The following ME1 variants were observed in gnomAD, a reference collection of about 807,000 sequenced individuals.
ME1 encodes NADP-dependent malic enzyme.
ME1 carries 74 observed loss-of-function variants against 66.4 expected under a neutral mutation model. The ratio of observed to expected loss-of-function variants is 1.11; its 90% CI spans 0.92 to 1.35. ME1 has a LOEUF of 1.35. ME1 is among the 40% of genes most tolerant of loss of function. ME1 has a pLI of 0.00. For synonymous variants in ME1, 251 were observed against 235.6 expected (o/e 1.07, Z -0.60); for missense variants, 750 against 694.1 (o/e 1.08, Z -0.90).
chr6:83,382,926 A>ATCAG (rs1220413162), intron 3 of ME1, among the ~76,000 whole-genome samples: 4 of 151,972 alleles, frequency 2.6e-5, no homozygotes, highest in African/African-American at 4.8e-5. Flanking sequence ...TAATATTTAA[A>ATCAG]TCAGTAGATT....
At chr6:83,315,286 T>C in intron 6 of ME1, 24 bp downstream of exon 6, 1 of 1,397,880 alleles carries the variant, frequency 7.2e-7, no homozygotes, top group East Asian at 2.3e-5. Flanking sequence ...CTGACTAAAA[T>C]ATAGGTTAAA....
chr6:83,348,706 C>G (rs1170847710), intron 4 of ME1, among the ~76,000 whole-genome samples: 1 of 150,700 alleles, frequency 6.6e-6, no homozygotes, highest in Non-Finnish European at 1.5e-5. Flanking sequence ...AAAAAGTGGG[C>G]CAATTGCAGT....
At chr6:83,421,875 C>T (rs924537311) in intron 1 of ME1, among the ~76,000 whole-genome samples, 1 of 152,132 alleles carries the variant, frequency 6.6e-6, no homozygotes, top group African/African-American at 2.4e-5. Flanking sequence ...TTCTTTTTAC[C>T]AGAGGATATA....
intron 6 of ME1, among the ~76,000 whole-genome samples, chr6:83,260,619 C>T (rs1316715918): frequency 6.6e-6 from 1 of 152,072 alleles, no homozygotes; most frequent in African/African-American, 2.4e-5. Context: ...GACACTAGGC[C>T]CCAGTGTCTG....
intron 3 of ME1, among the ~76,000 whole-genome samples, chr6:83,384,530 A>C (rs1769472985): frequency 6.6e-6 from 1 of 151,666 alleles, no homozygotes; most frequent in Admixed American, 6.6e-5. Flanking sequence ...CCTTATATTA[A>C]TAGATTCTGG....
At chr6:83,375,984 G>A (rs1323421203) in intron 3 of ME1, among the ~76,000 whole-genome samples, 1 of 152,042 alleles carries the variant, frequency 6.6e-6, no homozygotes, top group African/African-American at 2.4e-5. Flanking sequence ...ATCATACTTG[G>A]AAGTGTTTCA....
At chr6:83,295,050 C>A (rs1767572882) in intron 6 of ME1, among the ~76,000 whole-genome samples, 1 of 152,206 alleles carries the variant, frequency 6.6e-6, no homozygotes, top group South Asian at 2.1e-4. Context: ...ATGGCTGCAA[C>A]TGTGGGTAAA....
intron 2 of ME1, among the ~76,000 whole-genome samples, chr6:83,401,424 A>G (rs1167059595): frequency 1.3e-5 from 2 of 152,196 alleles, no homozygotes; most frequent in African/African-American, 4.8e-5. Context: ...AGTACCTGAC[A>G]CTGAATTGAT....
At chr6:83,424,585 G>A (rs965681876) in intron 1 of ME1, among the ~76,000 whole-genome samples, 2 of 152,042 alleles carry the variant, frequency 1.3e-5, no homozygotes, top group Non-Finnish European at 2.9e-5. Flanking sequence ...ATGGCTACAA[G>A]CAAACCTGAC....
chr6:83,340,225 A>G (rs1295473862), intron 5 of ME1, among the ~76,000 whole-genome samples: 3 of 152,040 alleles, frequency 2.0e-5, no homozygotes, highest in African/African-American at 7.2e-5. Flanking sequence ...AATAATGATA[A>G]TTTTGTCTTT....
intron 11 of ME1, among the ~76,000 whole-genome samples, chr6:83,224,772 C>T (rs1178234821): frequency 6.7e-6 from 1 of 150,134 alleles, no homozygotes. Context: ...GAAACAAACT[C>T]ATTGGCAGGA....
At chr6:83,282,645 C>T (rs991424568) in intron 6 of ME1, among the ~76,000 whole-genome samples, 2 of 152,132 alleles carry the variant, frequency 1.3e-5, no homozygotes, top group African/African-American at 2.4e-5. Context: ...AATAGGAACA[C>T]TTTATACTGC....
chr6:83,266,395 AC>A (rs1268938521), intron 6 of ME1, among the ~76,000 whole-genome samples: 6 of 152,208 alleles, frequency 3.9e-5, no homozygotes, highest in African/African-American at 1.4e-4. Flanking sequence ...CTTCTCTGGC[AC>A]AATCATCTGG....
chr6:83,342,289 C>A (rs2128543253), intron 5 of ME1, among the ~76,000 whole-genome samples: 1 of 152,308 alleles, frequency 6.6e-6, no homozygotes, highest in African/African-American at 2.4e-5. Flanking sequence ...TAAATCTCTT[C>A]TTTTCTTGCT....
intron 3 of ME1, among the ~76,000 whole-genome samples, chr6:83,362,945 G>T (rs1769031184): frequency 6.6e-6 from 1 of 152,186 alleles, no homozygotes; most frequent in South Asian, 2.1e-4. Context: ...GAAGCAGCTG[G>T]ATTGATAGAA....
intron 7 of ME1, 39 bp from the exon 8 acceptor site, chr6:83,239,675 C>T (rs778578317): frequency 7.2e-7 from 1 of 1,383,112 alleles, no homozygotes; most frequent in Admixed American, 1.7e-5. Flanking sequence ...AATCCTCAAA[C>T]AGATCCTGCC....
At chr6:83,392,204 A>G (rs565345926) in intron 3 of ME1, among the ~76,000 whole-genome samples, 131 of 150,338 alleles carry the variant, frequency 8.7e-4, no homozygotes, top group African/African-American at 3.1e-3. Context: ...TGGAGTCAAC[A>G]GATTTGGTTG....
At chr6:83,244,627 C>T (rs1790584385) in intron 7 of ME1, among the ~76,000 whole-genome samples, 1 of 152,002 alleles carries the variant, frequency 6.6e-6, no homozygotes, top group African/African-American at 2.4e-5. Context: ...TTGCACAAAG[C>T]TTGTGCTTCC....
intron 5 of ME1, among the ~76,000 whole-genome samples, chr6:83,319,857 C>T (rs1231811561): frequency 6.6e-6 from 1 of 152,184 alleles, no homozygotes; most frequent in East Asian, 1.9e-4. Flanking sequence ...ACTCCTCCAG[C>T]TATGAATGAG....
Sources: gnomAD v4.1 joint callset for allele counts (sites outside exome capture counted in the v4.1 genomes callset) on GRCh38, gnomAD v4.1.1 for gene constraint, MANE v1.5 for transcripts, NCBI Gene and HGNC (gene_info 2026-07-23, HGNC 2026-07-21) for gene names.